Variants in DPP6 observed in about 807,000 individuals in gnomAD.
DPP6 encodes the protein A-type potassium channel modulatory protein DPP6.
DPP6 carries 69 observed loss-of-function variants against 122.6 expected under a neutral mutation model. The ratio of observed to expected loss-of-function variants is 0.56; its 90% CI spans 0.46 to 0.69. The LOEUF is 0.69. Among genes scored for constraint, DPP6 ranks in the 30% least tolerant of loss-of-function variants. The pLI is 0.00. For missense variants in DPP6, 928 were observed against 1,116.9 expected, an observed-to-expected ratio of 0.83 and a Z score of 2.41; for synonymous variants, 418 against 433.1, an observed-to-expected ratio of 0.97 and a Z score of 0.43.
At chr7:154,144,986 G>A (rs1182322136) in intron 1 of DPP6, among the ~76,000 whole-genome samples, 2 of 151,894 alleles carry the variant, frequency 1.3e-5, no homozygotes, top group Non-Finnish European at 2.9e-5. Context: ...ATCCACTTAG[G>A]CTGATGCAGT....
chr7:153,984,159 CA>C (rs1299278440), intron 1 of DPP6, among the ~76,000 whole-genome samples: 1 of 151,912 alleles, frequency 6.6e-6, no homozygotes, highest in Non-Finnish European at 1.5e-5. Context: ...ATCACTCACA[CA>C]GCAAATTTGT....
the DPP6 span, among the ~76,000 whole-genome samples, chr7:153,777,256 C>G: frequency 6.6e-6 from 1 of 152,198 alleles, no homozygotes; most frequent in Non-Finnish European, 1.5e-5. Flanking sequence ...AAAGTTCAAG[C>G]AAGGTCACAG....
intron 1 of DPP6, among the ~76,000 whole-genome samples, chr7:154,199,491 C>T (rs74780962): frequency 0.025 from 3,858 of 152,196 alleles, 185 homozygotes; most frequent in African/African-American, 0.087. Context: ...GTTAGAAGTA[C>T]ACATTTTGTT....
chr7:154,625,763 G>C (rs1167272825), intron 5 of DPP6, among the ~76,000 whole-genome samples: 1 of 152,206 alleles, frequency 6.6e-6, no homozygotes, highest in Non-Finnish European at 1.5e-5. Context: ...GTGTTTGTGG[G>C]GCAAGCCCCC....
intron 1 of DPP6, among the ~76,000 whole-genome samples, chr7:154,298,312 A>AC (rs1269774754): frequency 1.5e-5 from 2 of 129,146 alleles, no homozygotes; most frequent in Non-Finnish European, 3.4e-5. Flanking sequence ...ATCTCTGGAG[A>AC]CCCCTGCTGC....
At chr7:154,330,381 C>T (rs996554179) in intron 1 of DPP6, among the ~76,000 whole-genome samples, 3 of 152,022 alleles carry the variant, frequency 2.0e-5, no homozygotes, top group South Asian at 2.1e-4. Context: ...TATTCACAGC[C>T]GAGAGTGGCA....
chr7:154,427,630 A>G (rs894945947), intron 1 of DPP6, among the ~76,000 whole-genome samples: 7 of 152,068 alleles, frequency 4.6e-5, no homozygotes, highest in Admixed American at 3.9e-4. Context: ...TATAAAGCCT[A>G]TTTTTCTTCT....
chr7:153,943,863 C>A (rs1021665701), intron 1 of DPP6, among the ~76,000 whole-genome samples: 8 of 151,810 alleles, frequency 5.3e-5, no homozygotes, highest in Non-Finnish European at 1.2e-4. Flanking sequence ...CTGAGTGATG[C>A]TCTGCTACAT....
intron 1 of DPP6, among the ~76,000 whole-genome samples, chr7:154,439,158 T>G (rs1480840361): frequency 1.3e-5 from 2 of 152,206 alleles, no homozygotes; most frequent in Non-Finnish European, 2.9e-5. Context: ...CCTGCAGGGA[T>G]TTTTGACATT....
chr7:153,765,979 A>G, the DPP6 span, among the ~76,000 whole-genome samples: 2 of 152,230 alleles, frequency 1.3e-5, no homozygotes, highest in African/African-American at 2.4e-5. Flanking sequence ...GTGGAGCCCA[A>G]GATTCTGCAT....
At chr7:154,599,557 A>G (rs1390225902) in intron 5 of DPP6, among the ~76,000 whole-genome samples, 1 of 151,768 alleles carries the variant, frequency 6.6e-6, no homozygotes, top group Non-Finnish European at 1.5e-5. Context: ...CATGTGCACA[A>G]CGTGCAGGTT....
intron 1 of DPP6, among the ~76,000 whole-genome samples, chr7:154,353,725 C>CT (rs1159352983): frequency 6.6e-6 from 1 of 152,176 alleles, no homozygotes; most frequent in South Asian, 2.1e-4. Flanking sequence ...GAAGACGACT[C>CT]TGACACTAAC....
chr7:154,291,375 AC>A (rs1417172610), intron 1 of DPP6, among the ~76,000 whole-genome samples: 1 of 152,116 alleles, frequency 6.6e-6, no homozygotes, highest in African/African-American at 2.4e-5. Context: ...CACAGCCCCT[AC>A]CCCTAGAAGT....
chr7:154,669,323 A>T (rs763499060), intron 6 of DPP6, 37 bp from the exon 7 acceptor site: 5 of 1,551,658 alleles, frequency 3.2e-6, no homozygotes, highest in Non-Finnish European at 3.5e-6. Flanking sequence ...GGTTCCCAAC[A>T]TTTTGCTTTG....
intron 1 of DPP6, among the ~76,000 whole-genome samples, chr7:154,077,404 G>T (rs560879946): frequency 6.6e-6 from 1 of 152,142 alleles, no homozygotes; most frequent in Non-Finnish European, 1.5e-5. Context: ...GTATCATTAT[G>T]TACTGAAGTA....
At chr7:154,123,910 A>G (rs867211247) in intron 1 of DPP6, among the ~76,000 whole-genome samples, 1 of 150,076 alleles carries the variant, frequency 6.7e-6, no homozygotes, top group East Asian at 2.0e-4. Context: ...CTATGATTAC[A>G]TGGGACAGAC....
intron 1 of DPP6, among the ~76,000 whole-genome samples, chr7:154,201,363 A>G (rs1203702188): frequency 6.6e-6 from 1 of 152,194 alleles, no homozygotes; most frequent in Non-Finnish European, 1.5e-5. Flanking sequence ...TCCTGACCTC[A>G]GGTGATCCAC....
intron 1 of DPP6, among the ~76,000 whole-genome samples, chr7:154,173,947 A>G (rs1797666358): frequency 6.6e-6 from 1 of 152,350 alleles, no homozygotes; most frequent in African/African-American, 2.4e-5. Flanking sequence ...GCACCTGTGC[A>G]GTTCCTTCCA....
chr7:154,384,067 G>A (rs978768818), intron 1 of DPP6, among the ~76,000 whole-genome samples: 3 of 152,118 alleles, frequency 2.0e-5, no homozygotes, highest in South Asian at 4.2e-4. Context: ...GACTCTGCAC[G>A]CTCACCCCAT....
Sources: gnomAD v4.1 joint callset for allele counts (sites outside exome capture counted in the v4.1 genomes callset) on GRCh38, gnomAD v4.1.1 for gene constraint, MANE v1.5 for transcripts, NCBI Gene and HGNC (gene_info 2026-07-23, HGNC 2026-07-21) for gene names.